RPL17: variants seen among roughly 807,000 people sequenced by gnomAD.
RPL17 encodes the protein large ribosomal subunit protein uL22.
In RPL17, 2 loss-of-function variants were observed where a neutral mutation model predicts 27.7. The observed-to-expected ratio is 0.07, with a 90% CI of 0.03 to 0.23. The LOEUF is 0.23. Among genes scored for constraint, RPL17 ranks in the 10% least tolerant of loss-of-function variants. RPL17 has a pLI of 1.00. For synonymous variants in RPL17, 76 were observed against 75.5 expected (o/e 1.01, Z -0.03); for missense variants, 141 against 238.8 (o/e 0.59, Z 2.70).
intron 1 of RPL17, chr18:49,491,895 C>T (rs57294893): frequency 8.6e-6 from 4 of 466,028 alleles, no homozygotes; most frequent in African/African-American, 5.9e-5. Flanking sequence ...TAAAATGACT[C>T]GACGCATCCG....
In RPL17 at chr18:49,488,930, GCT is replaced by G. The variant is rs370275390; in HGVS notation, c.508-366_508-365del. Among the ~76,000 whole-genome samples the G allele has an allele frequency of 4.1e-4, 62 of 149,698 alleles. No homozygotes were observed. The East Asian group carries it at 6.6e-3, about 16-fold the overall frequency. On this transcript the variant is annotated intron_variant, in intron 6 of 6. Coordinates refer to ENST00000580261, the MANE Select transcript of RPL17 (RefSeq NM_001035006.5). ...TTTTTTTTTTTTGAGACAGCGTCTC[GCT>G]CTGTCACCCAGGCTGGAGTGCAGTG...
At chr18:49,488,879 G>C (rs1466195554) in intron 6 of RPL17, among the ~76,000 whole-genome samples, 2 of 151,084 alleles carry the variant, frequency 1.3e-5, no homozygotes, top group East Asian at 3.9e-4. Flanking sequence ...ATACGGGCCT[G>C]AGGTACTGAA....
chr18:49,488,588 A>G (rs2083821300), intron 6 of RPL17, 22 bp from the exon 7 acceptor site: 2 of 1,127,192 alleles, frequency 1.8e-6, no homozygotes, highest in Non-Finnish European at 2.5e-6. Context: ...AAAATGTGTT[A>G]AGTTTCTTAG....
Position 49,490,448 on chromosome 18 carries a change from G to T in RPL17, c.315+6C>A. 1 of 1,613,854 alleles carries T rather than the reference G, an allele frequency of 6.2e-7. No individual in the cohort carries two copies. Among genetic ancestry groups the T allele is most frequent in the East Asian group, 2.2e-5 (1 of 44,884 alleles). Reference sequence around the variant, plus strand: ...AAGTTGCACAGGATGTTAGTGGTTTGGGTACCTTAAGTTCAGCATTACTCT... The same window carrying T: ...AAGTTGCACAGGATGTTAGTGGTTTTGGTACCTTAAGTTCAGCATTACTCT... On this transcript the variant is annotated splice_donor_region_variant and intron_variant, in intron 5 of 6. Coordinates refer to ENST00000580261, the MANE Select transcript of RPL17 (RefSeq NM_001035006.5).
At position 49,491,465 on chromosome 18, in the gene RPL17, G is replaced by C. The variant is rs1568504218; in HGVS notation, c.41-20C>G. 1.9e-6 allele frequency: 3 copies of C among 1,614,050 alleles called. No individual in the cohort carries two copies. The highest frequency in any genetic ancestry group is 2.5e-6 in the Non-Finnish European group (3 of 1,179,978). On this transcript the variant is annotated intron_variant, in intron 2 of 6. Coordinates refer to ENST00000580261, the MANE Select transcript of RPL17 (RefSeq NM_001035006.5). ...TGCATGCTAGAAAATAAAACGTTTT[G>C]GTTAATTTTTGGTATCTTATGCCAA... is the stretch of plus-strand genomic sequence containing the variant.
At chr18:49,491,683 T>C (rs768565684) in intron 1 of RPL17, 99 bp from the exon 2 acceptor site, 1 of 1,425,214 alleles carries the variant, frequency 7.0e-7, no homozygotes, top group Non-Finnish European at 9.9e-7. Flanking sequence ...AGAGTAGTTG[T>C]TTTCATTATT....
Position 49,488,513 on chromosome 18 carries a change from C to T in RPL17, c.*6G>A, listed in dbSNP as rs756635318. 1.4e-6 allele frequency: 2 copies of T among 1,461,622 alleles called. No individual in the cohort carries two copies. The highest frequency in any genetic ancestry group is 1.9e-6 in the Non-Finnish European group (2 of 1,041,862). The allele number at this position is 1,461,622 out of a possible 1,614,324, so 90.5% of individuals were successfully genotyped here. ...CCTTTTAATTACATTTATTTTAATG[C>T]TGAATTTACTCCCGTGCCATAAGTT... On this transcript the variant is annotated 3_prime_UTR_variant, in exon 7 of 7. Coordinates refer to ENST00000580261, the MANE Select transcript of RPL17 (RefSeq NM_001035006.5).
Position 49,490,216 on chromosome 18 carries a change from T to TA in RPL17, c.315+237dup, listed in dbSNP as rs970033444. ...AAAGACAGCAGAAAACTAGAAATAC[T>TA]AAGTGTTAGGCTTAAAGAGACCACA... On this transcript the variant is annotated intron_variant, in intron 5 of 6. Transcript: ENST00000580261. 8 of 448,012 alleles carry TA rather than the reference T, an allele frequency of 1.8e-5. No individual in the cohort carries two copies. In the Admixed American group the frequency reaches 3.2e-4, roughly 18 times the overall value. The allele number at this position is 448,012 out of a possible 1,614,324, so 27.8% of individuals were successfully genotyped here.
At chr18:49,491,089 G>A (rs2084037699) in intron 3 of RPL17, 162 bp from the exon 4 acceptor site, 27 of 1,177,244 alleles carry the variant, frequency 2.3e-5, no homozygotes, top group South Asian at 2.9e-5. Context: ...GGTAAACTTC[G>A]TTGAAGCTAG....
chr18:49,490,603 T>C, intron 4 of RPL17, 51 bp from the exon 5 acceptor site: 1 of 1,610,392 alleles, frequency 6.2e-7, no homozygotes, highest in African/African-American at 1.3e-5. Flanking sequence ...AAATTAACAT[T>C]ACAGCCAAGA....
intron 1 of RPL17, chr18:49,491,796 C>G: frequency 7.9e-6 from 6 of 760,132 alleles, no homozygotes; most frequent in Non-Finnish European, 1.4e-5. Context: ...ACTGCTTCCA[C>G]AGAAGTAGCC....
In RPL17 at chr18:49,489,386, T is replaced by C. The variant is rs1176670355; in HGVS notation, c.480A>G (p.Pro160=). 1.2e-6 allele frequency: 2 copies of C among 1,613,748 alleles called. No homozygotes were observed. Among genetic ancestry groups the C allele is most frequent in the South Asian group, 2.2e-5 (2 of 91,074 alleles). Residue 160 remains proline (P), a synonymous_variant, in exon 6 of 7, where the codon CCA becomes CCG. Transcript: ENST00000580261. Reference sequence around the variant, plus strand: ...TTTTCTTCTGGGCAACCTCCTCTTCTGGTTTAGGAACAATCTGTTCCTTTT... The same window carrying C: ...TTTTCTTCTGGGCAACCTCCTCTTCCGGTTTAGGAACAATCTGTTCCTTTT... The part of the protein sequence containing the change: ...LTEKEQIVPK[P]EEEVAQKKKI...
At position 49,490,947 on chromosome 18, in the gene RPL17, T is replaced by G. The variant is rs772722633; in HGVS notation, c.82-20A>C. The stretch of plus-strand genomic sequence containing the variant: ...AGTGTTCTAAGTATGAAGAATAAAG[T>G]GTTGGTTAACTAGATCAAAGCTTTA... On this transcript the variant is annotated intron_variant, in intron 3 of 6. Coordinates refer to ENST00000580261, the MANE Select transcript of RPL17 (RefSeq NM_001035006.5). 4 of 1,613,502 alleles carry G rather than the reference T, an allele frequency of 2.5e-6. No individual in the cohort carries two copies. Among genetic ancestry groups the G allele is most frequent in the Admixed American group, 1.7e-5 (1 of 59,994 alleles).
intron 3 of RPL17, 128 bp downstream of exon 3, chr18:49,491,277 A>T: frequency 7.2e-7 from 1 of 1,396,268 alleles, no homozygotes; most frequent in Middle Eastern, 1.8e-4. Flanking sequence ...GCCTAAATAT[A>T]AGGTGGCTGC....
At chr18:49,488,688 TG>T (rs1381156193) in intron 6 of RPL17, 122 bp from the exon 7 acceptor site, 1 of 656,736 alleles carries the variant, frequency 1.5e-6, no homozygotes, top group African/African-American at 1.8e-5. Flanking sequence ...AATACTTAAA[TG>T]GTAGAAATCA....
intron 1 of RPL17, chr18:49,492,103 C>CT: frequency 4.9e-6 from 1 of 203,760 alleles, no homozygotes; most frequent in South Asian, 7.8e-5. Context: ...TCCCCCAAAA[C>CT]TTTTTCCTCG....
intron 5 of RPL17, 40 bp downstream of exon 5, chr18:49,490,410 TAAAC>T: frequency 1.3e-6 from 2 of 1,598,838 alleles, no homozygotes; most frequent in Non-Finnish European, 1.7e-6. Flanking sequence ...CAACATTAAT[TAAAC>T]AACCACCCAA....
chr18:49,490,226 G>A, intron 5 of RPL17: 1 of 509,056 alleles, frequency 2.0e-6, no homozygotes, highest in Non-Finnish European at 3.5e-6. Context: ...TAAGTGTTAG[G>A]CTTAAAGAGA....
intron 4 of RPL17, 68 bp downstream of exon 4, chr18:49,490,725 A>G: frequency 1.2e-6 from 2 of 1,609,252 alleles, no homozygotes; most frequent in Non-Finnish European, 1.7e-6. Flanking sequence ...GATCTTAGCC[A>G]TTCTTATCCT....
Sources: allele counts gnomAD v4.1 joint callset (sites outside exome capture counted in the v4.1 genomes callset), GRCh38; gene constraint gnomAD v4.1.1; transcripts MANE v1.5; gene names NCBI Gene and HGNC (gene_info 2026-07-23, HGNC 2026-07-21).